Variants in UBXN6 observed in about 807,000 individuals in gnomAD.
The protein encoded by UBXN6 is UBX domain protein 6, also known as UBX domain-containing protein 6.
Under a neutral mutation model 51.4 loss-of-function variants are expected in UBXN6, and 44 were observed. The observed-to-expected ratio is 0.86, with a 90% CI of 0.67 to 1.10. The LOEUF (loss-of-function observed/expected upper bound fraction) is 1.10, where lower values mean the gene tolerates loss of function less well. Among genes scored for constraint, UBXN6 ranks in the 50% least tolerant of loss-of-function variants. The pLI is 0.00. For missense variants in UBXN6, 672 were observed against 596.1 expected (o/e 1.13, Z -1.32); for synonymous variants, 316 against 263.2 (o/e 1.20, Z -1.94).
At chr19:4,455,670 C>G (rs376843627) in intron 1 of UBXN6, among the ~76,000 whole-genome samples, 1 of 152,300 alleles carries the variant, frequency 6.6e-6, no homozygotes, top group East Asian at 1.9e-4. Flanking sequence ...CCCCGCAGTT[C>G]TTCCCACACC....
intron 3 of UBXN6, among the ~76,000 whole-genome samples, chr19:4,453,064 G>GGACAGGCTCTGAAACCACA (rs1345486969): frequency 6.6e-5 from 10 of 152,210 alleles, no homozygotes; most frequent in Non-Finnish European, 1.2e-4. Context: ...CAGTGCTAGG[G>GGACAGGCTCTGAAACCACA]GACAGGCTCT....
intron 1 of UBXN6, among the ~76,000 whole-genome samples, chr19:4,456,397 A>C (rs1338635535): frequency 4.7e-4 from 37 of 78,468 alleles, no homozygotes; most frequent in African/African-American, 8.4e-4. Flanking sequence ...CCTGACCCCC[A>C]CTTCCTGCCA....
At chr19:4,447,468 C>T in intron 6 of UBXN6, 82 bp downstream of exon 6, 1 of 1,493,780 alleles carries the variant, frequency 6.7e-7, no homozygotes, top group Non-Finnish European at 9.3e-7. Context: ...AGCCCACCGC[C>T]TGGTGTGGGC....
rs775635838 is a variant in UBXN6, at chr19:4,454,057, G to A, written c.120C>T (p.Ala40=). Residue 40 remains alanine, a synonymous_variant, in exon 2 of 11, where the codon GCC becomes GCT. Coordinates refer to ENST00000301281, the MANE Select transcript of UBXN6 (RefSeq NM_025241.3). ...KAHKEKPNQP[A]PRPPRQGPTN... is the part of the protein sequence containing the mutation. Reference sequence around the variant, plus strand: ...TGGGTCCCTGGCGGGGCGGCCTGGGGGCTGGCTGGTTGGGCTTCTCTTTGT... The same window carrying A: ...TGGGTCCCTGGCGGGGCGGCCTGGGAGCTGGCTGGTTGGGCTTCTCTTTGT... The A allele has an allele frequency of 7.0e-6, 11 of 1,579,888 alleles. No individual in the cohort carries two copies. In the South Asian group the frequency reaches 8.0e-5, roughly 12 times the overall value.
chr19:4,447,045 G>A, intron 6 of UBXN6, 125 bp from the exon 7 acceptor site: 1 of 928,998 alleles, frequency 1.1e-6, no homozygotes, highest in Non-Finnish European at 1.6e-6. Flanking sequence ...ATGGGGCCCA[G>A]CCCTGGGGGT....
chr19:4,446,747 CTG>C (rs1440232853), intron 7 of UBXN6, 28 bp from the exon 8 acceptor site: 1 of 1,610,044 alleles, frequency 6.2e-7, no homozygotes, highest in East Asian at 2.2e-5. Context: ...ATGGGTGTCA[CTG>C]TGCAATGGAG....
intron 1 of UBXN6, 99 bp from the exon 2 acceptor site, chr19:4,454,192 A>G: frequency 7.5e-7 from 1 of 1,332,136 alleles, no homozygotes; most frequent in Non-Finnish European, 1.0e-6. Context: ...CCCCAGCACC[A>G]TCAGCCAGAC....
At chr19:4,456,523 C>T (rs1015401720) in intron 1 of UBXN6, among the ~76,000 whole-genome samples, 1 of 151,994 alleles carries the variant, frequency 6.6e-6, no homozygotes, top group African/African-American at 2.4e-5. Flanking sequence ...TCCCCACCAC[C>T]CTCTGGCCAG....
At chr19:4,449,579 A>G (rs959548686) in intron 4 of UBXN6, 5 of 152,344 alleles carry the variant, frequency 3.3e-5, no homozygotes, top group African/African-American at 1.2e-4. Flanking sequence ...AGCGCCCGGG[A>G]CAGCACACCA....
At chr19:4,457,529 A>G in intron 1 of UBXN6, 86 bp downstream of exon 1, 1 of 1,192,684 alleles carries the variant, frequency 8.4e-7, no homozygotes, top group Non-Finnish European at 1.1e-6. Flanking sequence ...ATCCTCTCCG[A>G]TCTCCCGAGC....
chr19:4,445,737 G>A (rs1272752822), intron 10 of UBXN6, 114 bp from the exon 11 acceptor site: 2 of 1,505,988 alleles, frequency 1.3e-6, no homozygotes, highest in African/African-American at 1.4e-5. Flanking sequence ...CATCTCAGCT[G>A]GTGGAGGCTG....
chr19:4,446,580 C>T lies in UBXN6; in HGVS notation c.840G>A (p.Ser280=), dbSNP rs368841367. ...LDRQRRVFQP[S]PLASQFELPG... Reference sequence around the variant, plus strand: ...GCAGTTCGAACTGCGAGGCCAGGGGCGAGGGCTGGAAGACGCGGCGCTGCC... The same window carrying T: ...GCAGTTCGAACTGCGAGGCCAGGGGTGAGGGCTGGAAGACGCGGCGCTGCC... The change falls in exon 8 of 11, where the codon TCG becomes TCA. Residue 280 remains serine, a synonymous_variant. Coordinates refer to ENST00000301281, the MANE Select transcript of UBXN6 (RefSeq NM_025241.3). 5.3e-5 allele frequency: 86 copies of T among 1,612,594 alleles called. No individual in the cohort carries two copies. In the South Asian group the frequency reaches 8.3e-4, roughly 16 times the overall value.
intron 5 of UBXN6, 36 bp from the exon 6 acceptor site, chr19:4,447,661 C>T (rs1974565301): frequency 6.2e-7 from 1 of 1,609,694 alleles, no homozygotes; most frequent in African/African-American, 1.3e-5. Flanking sequence ...GGGCACAGCC[C>T]AGGCTGCCCA....
At chr19:4,453,769 G>T (rs1266225695) in intron 2 of UBXN6, among the ~76,000 whole-genome samples, 161 bp downstream of exon 2, 1 of 152,040 alleles carries the variant, frequency 6.6e-6, no homozygotes, top group Non-Finnish European at 1.5e-5. Flanking sequence ...CCCCTCCCCA[G>T]GAAGCTGCCC....
chr19:4,452,754 G>A (rs766077813), intron 3 of UBXN6, among the ~76,000 whole-genome samples: 6 of 152,296 alleles, frequency 3.9e-5, no homozygotes, highest in East Asian at 3.9e-4. Context: ...CTTCTGACAC[G>A]CAGGAAACAC....
At chr19:4,447,687 C>T in intron 5 of UBXN6, 62 bp from the exon 6 acceptor site, 3 of 1,544,278 alleles carry the variant, frequency 1.9e-6, no homozygotes, top group South Asian at 1.1e-5. Context: ...CCCCTCTGTG[C>T]CTCCTGCTCC....
chr19:4,453,912 A>C lies in UBXN6; in HGVS notation c.247+18T>G, dbSNP rs903322765. 48 of 1,605,792 alleles carry C rather than the reference A, an allele frequency of 3.0e-5. No individual in the cohort carries two copies. Among genetic ancestry groups the C allele is most frequent in the Non-Finnish European group, 4.0e-5 (47 of 1,179,240 alleles). ...CTCAAACAGCCCCAACCTGGGCCCG[A>C]GGAGGGCCATATCTCACCCTGGTTT... On this transcript the variant is annotated intron_variant, in intron 2 of 10. Coordinates refer to ENST00000301281, the MANE Select transcript of UBXN6 (RefSeq NM_025241.3).
Position 4,453,963 on chromosome 19 carries a change from C to T in UBXN6, c.214G>A (p.Gly72Ser). The change falls in exon 2 of 11, where the codon GGC becomes AGC. Residue 72 changes from glycine (G) to serine (S), a missense_variant. Coordinates refer to ENST00000301281, the MANE Select transcript of UBXN6 (RefSeq NM_025241.3). ...CGGATGGTGTCCTGCGATGTGGGGC[C>T]CCAGGCCCGGGACTGCTTCTGCTCC... ...RLEQKQSRAW[G>S]PTSQDTIRNQ... The T allele has an allele frequency of 6.2e-7, 1 of 1,611,154 alleles. No individual in the cohort carries two copies. The highest frequency in any genetic ancestry group is 1.7e-4 in the Middle Eastern group (1 of 6,054).
chr19:4,445,779 T>C, intron 10 of UBXN6, 156 bp from the exon 11 acceptor site: 1 of 1,267,216 alleles, frequency 7.9e-7, no homozygotes, highest in East Asian at 2.5e-5. Context: ...GCCCTCTCCC[T>C]CCGGGACTCC....
Sources: allele counts gnomAD v4.1 joint callset (sites outside exome capture counted in the v4.1 genomes callset), GRCh38; gene constraint gnomAD v4.1.1; transcripts MANE v1.5; gene names NCBI Gene and HGNC (gene_info 2026-07-23, HGNC 2026-07-21).